SYN3: variants seen among roughly 807,000 people sequenced by gnomAD.
SYN3 encodes synapsin-3.
Under a neutral mutation model 65.8 loss-of-function variants are expected in SYN3, and 35 were observed. The ratio of observed to expected loss-of-function variants is 0.53; its 90% CI spans 0.41 to 0.70. SYN3 has a LOEUF of 0.70. SYN3 is among the 30% of genes least tolerant of loss of function. The pLI, the probability that SYN3 is intolerant of heterozygous loss-of-function variation, is 0.00. For synonymous variants in SYN3, 270 were observed against 292.9 expected (o/e 0.92, Z 0.80); for missense variants, 680 against 749.0 (o/e 0.91, Z 1.08).
At chr22:32,802,050 G>C in intron 6 of SYN3, 1 of 1,576,818 alleles carries the variant, frequency 6.3e-7, no homozygotes. Flanking sequence ...CTGGAGCCTG[G>C]GGGACTGGGG....
At chr22:32,714,974 C>T (rs1405250552) in intron 6 of SYN3, among the ~76,000 whole-genome samples, 1 of 152,164 alleles carries the variant, frequency 6.6e-6, no homozygotes, top group Non-Finnish European at 1.5e-5. Flanking sequence ...CATGGAACAA[C>T]TTTCCCCGAA....
At chr22:32,873,203 G>C (rs1302483059) in intron 4 of SYN3, among the ~76,000 whole-genome samples, 1 of 152,154 alleles carries the variant, frequency 6.6e-6, no homozygotes, top group Non-Finnish European at 1.5e-5. Flanking sequence ...TGCCCACCTT[G>C]GCCTCCCAAA....
intron 6 of SYN3, chr22:32,857,967 T>G: frequency 6.2e-7 from 1 of 1,613,868 alleles, no homozygotes; most frequent in Middle Eastern, 1.7e-4. Flanking sequence ...CTCTCTGGGC[T>G]AGGCTCTGGA....
Position 32,664,700 on chromosome 22 carries a change from C to G in SYN3, c.712-67964G>C, listed in dbSNP as rs113945580. 2.3e-3 allele frequency among the ~76,000 whole-genome samples: 347 copies of G among 147,760 alleles called. 2 individuals carry two copies. Among genetic ancestry groups the G allele is most frequent in the African/African-American group, 6.9e-3 (276 of 39,714 alleles). On this transcript the variant is annotated intron_variant, in intron 6 of 13. Transcript: ENST00000358763. ...CCGCCTCCTGGGTTCATGCCATTCT[C>G]CTGCCTCAGCCTCCCTTGTAGCTGG... is the stretch of plus-strand genomic sequence containing the variant.
intron 6 of SYN3, among the ~76,000 whole-genome samples, chr22:32,822,222 G>A (rs974581939): frequency 6.7e-5 from 10 of 150,300 alleles, no homozygotes; most frequent in Non-Finnish European, 8.9e-5. Context: ...CCCCATCTCC[G>A]AGGCTGGCTC....
chr22:32,599,685 T>C (rs16990816), intron 6 of SYN3, among the ~76,000 whole-genome samples: 8,214 of 152,192 alleles, frequency 0.054, 524 homozygotes, highest in East Asian at 0.27. Flanking sequence ...TTTCTGGGAA[T>C]CATATGCATA....
intron 6 of SYN3, among the ~76,000 whole-genome samples, chr22:32,604,649 C>A (rs2059341721): frequency 6.6e-6 from 1 of 152,200 alleles, no homozygotes; most frequent in Non-Finnish European, 1.5e-5. Flanking sequence ...GTAGGCACTT[C>A]CTGTTATCTT....
chr22:32,725,995 G>A (rs1352562501), intron 6 of SYN3, among the ~76,000 whole-genome samples: 1 of 152,122 alleles, frequency 6.6e-6, no homozygotes, highest in East Asian at 1.9e-4. Context: ...CTCCTTCCTG[G>A]TACATGCCTC....
chr22:32,907,642 TAAC>T (rs2049938134), intron 4 of SYN3, among the ~76,000 whole-genome samples: 1 of 152,124 alleles, frequency 6.6e-6, no homozygotes, highest in African/African-American at 2.4e-5. Flanking sequence ...AATATCAAAT[TAAC>T]AAGCTATGGC....
chr22:32,965,744 GA>G (rs1180416025), intron 3 of SYN3, among the ~76,000 whole-genome samples: 1 of 152,156 alleles, frequency 6.6e-6, no homozygotes, highest in African/African-American at 2.4e-5. Flanking sequence ...CGCCCAGGCT[GA>G]AGTGAGTGGC....
chr22:32,886,376 T>A (rs2049287615), intron 4 of SYN3, among the ~76,000 whole-genome samples: 1 of 152,074 alleles, frequency 6.6e-6, no homozygotes, highest in South Asian at 2.1e-4. Flanking sequence ...GGGTCATGCA[T>A]AAAGGAAAAG....
intron 5 of SYN3, 81 bp from the exon 6 acceptor site, chr22:32,865,085 G>T: frequency 8.8e-7 from 1 of 1,132,448 alleles, no homozygotes; most frequent in Non-Finnish European, 1.3e-6. Flanking sequence ...GAGGCCTCAA[G>T]CATCTGACTG....
intron 13 of SYN3, among the ~76,000 whole-genome samples, chr22:32,515,162 C>T (rs927694073): frequency 6.6e-6 from 1 of 152,176 alleles, no homozygotes; most frequent in African/African-American, 2.4e-5. Context: ...GAACCAAGTT[C>T]TTTAAAGCAG....
intron 7 of SYN3, among the ~76,000 whole-genome samples, chr22:32,552,414 GTTTTTCTTTTT>G (rs1255428956): frequency 1.6e-5 from 2 of 128,308 alleles, no homozygotes; most frequent in African/African-American, 2.8e-5. Context: ...TGGGTCAAAG[GTTTTTCTTTTT>G]TTTTTCTTTT....
At chr22:32,792,737 G>A (rs975026797) in intron 6 of SYN3, among the ~76,000 whole-genome samples, 1 of 152,172 alleles carries the variant, frequency 6.6e-6, no homozygotes, top group Admixed American at 6.5e-5. Flanking sequence ...CTGGTCGTCA[G>A]AGGTAGGTAC....
At chr22:32,587,222 C>CA (rs11341864) in intron 7 of SYN3, among the ~76,000 whole-genome samples, 6,180 of 86,212 alleles carry the variant, frequency 0.072, 260 homozygotes, top group Non-Finnish European at 0.097. Flanking sequence ...GCTCTTATCT[C>CA]AAAAAAAAAA....
At chr22:32,723,629 C>A (rs930618852) in intron 6 of SYN3, among the ~76,000 whole-genome samples, 1 of 152,254 alleles carries the variant, frequency 6.6e-6, no homozygotes, top group African/African-American at 2.4e-5. Context: ...TCGATATACC[C>A]TTAATTCATG....
At chr22:32,573,609 T>C (rs2058808454) in intron 7 of SYN3, among the ~76,000 whole-genome samples, 1 of 152,032 alleles carries the variant, frequency 6.6e-6, no homozygotes, top group African/African-American at 2.4e-5. Flanking sequence ...TGATTTCAAG[T>C]TTCCTGTAGG....
chr22:32,846,704 G>A (rs2048073133), intron 6 of SYN3, among the ~76,000 whole-genome samples: 2 of 152,200 alleles, frequency 1.3e-5, no homozygotes, highest in Admixed American at 6.5e-5. Flanking sequence ...TTAATGCAAT[G>A]CTATGTTGCT....
Sources: allele counts gnomAD v4.1 joint callset (sites outside exome capture counted in the v4.1 genomes callset), GRCh38; gene constraint gnomAD v4.1.1; transcripts MANE v1.5; gene names NCBI Gene and HGNC (gene_info 2026-07-23, HGNC 2026-07-21).